GLG1: variants seen among roughly 807,000 people sequenced by gnomAD.
GLG1 encodes the protein Golgi apparatus protein 1.
In GLG1, 38 loss-of-function variants were observed where a neutral mutation model predicts 160.5. The ratio of observed to expected loss-of-function variants is 0.24; its 90% confidence interval spans 0.18 to 0.31. The LOEUF (loss-of-function observed/expected upper bound fraction) is 0.31, where lower values mean the gene tolerates loss of function less well. GLG1 is among the 10% of genes least tolerant of loss of function. GLG1 has a pLI of 1.00. For missense variants in GLG1, 1,373 were observed against 1,505.2 expected, an observed-to-expected ratio of 0.91 and a Z score of 1.45; for synonymous variants, 644 against 543.4, an observed-to-expected ratio of 1.19 and a Z score of -2.57.
At chr16:74,537,117 T>A (rs934684965) in intron 1 of GLG1, among the ~76,000 whole-genome samples, 2 of 152,198 alleles carry the variant, frequency 1.3e-5, no homozygotes, top group Non-Finnish European at 2.9e-5. Flanking sequence ...GAGAAATGAT[T>A]CCTGACATTG....
At chr16:74,471,144 T>C (rs2015194072) in intron 15 of GLG1, 29 bp downstream of exon 15, 1 of 1,104,286 alleles carries the variant, frequency 9.1e-7, no homozygotes, top group Non-Finnish European at 1.4e-6. Context: ...GCAGCTATGA[T>C]GGGATATTGG....
chr16:74,479,993 T>TAA (rs371660678), intron 11 of GLG1, among the ~76,000 whole-genome samples: 2 of 148,308 alleles, frequency 1.3e-5, no homozygotes, highest in South Asian at 2.1e-4. Context: ...TTTTGGGAAT[T>TAA]AAAAAAAAAA....
At chr16:74,521,734 T>G (rs770918771) in intron 2 of GLG1, among the ~76,000 whole-genome samples, 13 of 152,108 alleles carry the variant, frequency 8.5e-5, no homozygotes, top group Non-Finnish European at 1.2e-4. Context: ...TAACAACAAA[T>G]TGCCAGGAGG....
intron 10 of GLG1, among the ~76,000 whole-genome samples, chr16:74,481,797 T>G (rs1290751025): frequency 1.3e-5 from 2 of 152,208 alleles, no homozygotes; most frequent in East Asian, 3.9e-4. Flanking sequence ...ATCTCCTTTT[T>G]TTTTTGAGAC....
intron 19 of GLG1, chr16:74,463,801 C>G (rs376617382): frequency 4.3e-5 from 12 of 279,594 alleles, no homozygotes; most frequent in African/African-American, 2.4e-4. Context: ...TCTTGAACTC[C>G]TGGTATCAGG....
At chr16:74,580,315 T>A (rs1012086964) in intron 1 of GLG1, among the ~76,000 whole-genome samples, 48 of 151,038 alleles carry the variant, frequency 3.2e-4, no homozygotes, top group African/African-American at 1.1e-3. Flanking sequence ...ACAACCCCCA[T>A]CTCTACAAAA....
intron 23 of GLG1, among the ~76,000 whole-genome samples, chr16:74,458,698 A>T (rs1244154118): frequency 6.6e-6 from 1 of 152,136 alleles, no homozygotes; most frequent in Non-Finnish European, 1.5e-5. Context: ...ACAAAAAAAT[A>T]CCAATTAGAT....
intron 1 of GLG1, among the ~76,000 whole-genome samples, chr16:74,562,181 G>A (rs898543225): frequency 2.0e-5 from 3 of 152,244 alleles, no homozygotes; most frequent in Non-Finnish European, 4.4e-5. Context: ...CACTGGACAA[G>A]TTGTAAACAG....
At chr16:74,554,023 T>G (rs1392168363) in intron 1 of GLG1, among the ~76,000 whole-genome samples, 1 of 152,204 alleles carries the variant, frequency 6.6e-6, no homozygotes, top group South Asian at 2.1e-4. Flanking sequence ...AAGCGTAAGC[T>G]TTCAACATTC....
intron 1 of GLG1, among the ~76,000 whole-genome samples, chr16:74,540,848 CT>C (rs768811909): frequency 1.2e-4 from 18 of 152,168 alleles, no homozygotes; most frequent in Non-Finnish European, 2.5e-4. Context: ...AGGCACACAG[CT>C]ATCAAGAGAT....
chr16:74,503,787 G>T, intron 3 of GLG1, 41 bp from the exon 4 acceptor site: 1 of 1,233,688 alleles, frequency 8.1e-7, no homozygotes, highest in Non-Finnish European at 1.2e-6. Context: ...AGTGTTCCAT[G>T]CTCGTATCAA....
At chr16:74,550,317 G>C (rs1320276030) in intron 1 of GLG1, among the ~76,000 whole-genome samples, 1 of 152,098 alleles carries the variant, frequency 6.6e-6, no homozygotes, top group Non-Finnish European at 1.5e-5. Context: ...TGGAGAAAGA[G>C]CTCGAAGTCT....
At chr16:74,538,919 T>G (rs2017758993) in intron 1 of GLG1, among the ~76,000 whole-genome samples, 1 of 151,608 alleles carries the variant, frequency 6.6e-6, no homozygotes, top group Non-Finnish European at 1.5e-5. Context: ...AGAGAAAGTT[T>G]CATGGAGGGT....
intron 1 of GLG1, among the ~76,000 whole-genome samples, chr16:74,604,520 C>T (rs902321757): frequency 7.2e-5 from 11 of 152,148 alleles, no homozygotes; most frequent in African/African-American, 2.7e-4. Flanking sequence ...ATAATGGGTA[C>T]GGATAGGAAA....
At chr16:74,478,160 G>A (rs749849561) in intron 11 of GLG1, among the ~76,000 whole-genome samples, 11 of 152,188 alleles carry the variant, frequency 7.2e-5, no homozygotes, top group Non-Finnish European at 1.6e-4. Flanking sequence ...TAGGTTAGTT[G>A]GAAAGTTTTG....
chr16:74,463,801 C>T lies in GLG1; in HGVS notation c.2668-322G>A, dbSNP rs376617382. On this transcript the variant is annotated intron_variant, in intron 19 of 25. Transcript: ENST00000422840. ...TGTTGGCCAGGCTGGTCTTGAACTC[C>T]TGGTATCAGGTGATCCACCCACCTG... 5 of 279,480 alleles carry T rather than the reference C, an allele frequency of 1.8e-5. 1 individual carries two copies. Among genetic ancestry groups the T allele is most frequent in the African/African-American group, 8.9e-5 (4 of 44,878 alleles). The allele number at this position is 279,480 out of a possible 1,614,324, so 17.3% of individuals were successfully genotyped here. A position where few individuals can be genotyped will look rare whatever the true frequency, so the allele number is the denominator to read the frequency against.
chr16:74,601,588 A>G (rs1958441142), intron 1 of GLG1, among the ~76,000 whole-genome samples: 1 of 152,178 alleles, frequency 6.6e-6, no homozygotes, highest in South Asian at 2.1e-4. Context: ...AAATACAACT[A>G]AATGCTTCCA....
chr16:74,453,129 G>T lies in GLG1; in HGVS notation c.*38C>A. Reference sequence around the variant, plus strand: ...TATACAAGAGGGCTGTACAAACTGGGCACTGGATAGGTAGTTCCTTTGGTG... The same window carrying T: ...TATACAAGAGGGCTGTACAAACTGGTCACTGGATAGGTAGTTCCTTTGGTG... On this transcript the variant is annotated 3_prime_UTR_variant, in exon 26 of 26. Transcript: ENST00000422840. 1 of 1,604,622 alleles carries T rather than the reference G, an allele frequency of 6.2e-7. No homozygotes were observed. Among genetic ancestry groups the T allele is most frequent in the Non-Finnish European group, 8.5e-7 (1 of 1,174,944 alleles).
intron 2 of GLG1, among the ~76,000 whole-genome samples, chr16:74,530,935 T>C (rs1161460303): frequency 1.3e-5 from 2 of 152,254 alleles, no homozygotes; most frequent in African/African-American, 4.8e-5. Flanking sequence ...GAACATTCTA[T>C]TCATGTCTGT....
Sources: allele counts gnomAD v4.1 joint callset (sites outside exome capture counted in the v4.1 genomes callset), GRCh38; gene constraint gnomAD v4.1.1; transcripts MANE v1.5; gene names NCBI Gene and HGNC (gene_info 2026-07-23, HGNC 2026-07-21).